The following TLN2 variants were observed in gnomAD, a reference collection of about 807,000 sequenced individuals.
The protein encoded by TLN2 is talin 2.
Under a neutral mutation model 294.7 loss-of-function variants are expected in TLN2, and 118 were observed. That is an observed-to-expected ratio of 0.40 (90% confidence interval 0.34 to 0.47). The LOEUF (loss-of-function observed/expected upper bound fraction) is 0.47. Ranked by LOEUF, TLN2 falls within the 20% of genes least tolerant of loss-of-function variation. TLN2 has a pLI of 0.84. For synonymous variants in TLN2, 1,431 were observed against 1,304.5 expected (o/e 1.10, Z -2.09); for missense variants, 3,083 against 3,282.2 (o/e 0.94, Z 1.48).
intron 54 of TLN2, chr15:62,830,554 G>T (rs772624137): frequency 6.8e-6 from 1 of 148,080 alleles, no homozygotes; most frequent in Non-Finnish European, 1.5e-5. Flanking sequence ...ATGCTAATGG[G>T]AGCTGGAACT....
chr15:62,561,896 C>T (rs936587259), intron 1 of TLN2, among the ~76,000 whole-genome samples: 4 of 152,234 alleles, frequency 2.6e-5, no homozygotes, highest in African/African-American at 9.6e-5. Flanking sequence ...GCTCTCCTCA[C>T]GAAAGCTCCC....
chr15:62,812,001 G>GCTGTC (rs2066718681), intron 52 of TLN2, among the ~76,000 whole-genome samples: 1 of 133,426 alleles, frequency 7.5e-6, no homozygotes, highest in Non-Finnish European at 1.6e-5. Context: ...GACAAAGCAA[G>GCTGTC]ACTCCATCTC....
At chr15:62,672,228 T>G (rs2055518867) in intron 9 of TLN2, among the ~76,000 whole-genome samples, 1 of 152,228 alleles carries the variant, frequency 6.6e-6, no homozygotes, top group South Asian at 2.1e-4. Context: ...TCATCAACAT[T>G]TAGAAACATC....
chr15:62,403,572 G>T (rs148047645), intron 1 of TLN2, among the ~76,000 whole-genome samples: 166 of 152,240 alleles, frequency 1.1e-3, no homozygotes, highest in Non-Finnish European at 1.8e-3. Context: ...TACCCATGTG[G>T]TACAATCCAG....
chr15:62,575,183 T>C (rs1296613473), intron 1 of TLN2, among the ~76,000 whole-genome samples: 1 of 152,074 alleles, frequency 6.6e-6, no homozygotes, highest in Non-Finnish European at 1.5e-5. Context: ...AATGGTGGCA[T>C]GTGCCAGTAG....
chr15:62,433,070 G>C (rs1366459928), intron 1 of TLN2, among the ~76,000 whole-genome samples: 1 of 152,178 alleles, frequency 6.6e-6, no homozygotes, highest in African/African-American at 2.4e-5. Flanking sequence ...GGCAGAGGGT[G>C]TGAGATGTGT....
chr15:62,685,250 T>G (rs1458424669), intron 11 of TLN2, among the ~76,000 whole-genome samples: 14 of 152,152 alleles, frequency 9.2e-5, no homozygotes, highest in Admixed American at 9.2e-4. Context: ...TAAAACCAAT[T>G]GTTTTTCTAC....
chr15:62,731,371 G>A (rs1027145651), intron 28 of TLN2, among the ~76,000 whole-genome samples: 1 of 145,928 alleles, frequency 6.9e-6, no homozygotes, highest in Admixed American at 6.9e-5. Flanking sequence ...GAACATTGCT[G>A]TTTTAAATTG....
intron 28 of TLN2, among the ~76,000 whole-genome samples, chr15:62,728,437 A>G (rs2060550269): frequency 6.6e-6 from 1 of 152,222 alleles, no homozygotes; most frequent in African/African-American, 2.4e-5. Context: ...TTGTTTAGTG[A>G]ACATAGTAAG....
chr15:62,643,178 T>C (rs753311912), intron 3 of TLN2, among the ~76,000 whole-genome samples: 3 of 152,200 alleles, frequency 2.0e-5, no homozygotes, highest in African/African-American at 4.8e-5. Flanking sequence ...AGTGATCATC[T>C]TGGGTGAAAA....
intron 1 of TLN2, among the ~76,000 whole-genome samples, chr15:62,439,990 A>T (rs2035472139): frequency 6.6e-6 from 1 of 152,144 alleles, no homozygotes; most frequent in Admixed American, 6.5e-5. Flanking sequence ...CAGGACTCCC[A>T]GGGCAGTGAC....
intron 14 of TLN2, among the ~76,000 whole-genome samples, chr15:62,696,103 C>A (rs1307809234): frequency 6.6e-6 from 1 of 152,352 alleles, no homozygotes; most frequent in East Asian, 1.9e-4. Context: ...CCAGACCAAC[C>A]TTCCCTGGTG....
At chr15:62,483,887 A>G (rs1347562357) in intron 1 of TLN2, among the ~76,000 whole-genome samples, 1 of 152,236 alleles carries the variant, frequency 6.6e-6, no homozygotes, top group Admixed American at 6.5e-5. Context: ...CCCATGGATT[A>G]CATTTGGCAG....
intron 32 of TLN2, among the ~76,000 whole-genome samples, chr15:62,746,944 G>A (rs775867762): frequency 3.3e-5 from 5 of 152,156 alleles, no homozygotes; most frequent in Non-Finnish European, 7.3e-5. Context: ...TTAAGACTTA[G>A]TGTAAAGCTA....
intron 3 of TLN2, among the ~76,000 whole-genome samples, chr15:62,635,828 A>G (rs1298455727): frequency 6.6e-6 from 1 of 152,194 alleles, no homozygotes; most frequent in African/African-American, 2.4e-5. Context: ...CCACATTATC[A>G]ATAAAAAACC....
At chr15:62,410,147 C>T (rs950570914) in intron 1 of TLN2, among the ~76,000 whole-genome samples, 17 of 151,820 alleles carry the variant, frequency 1.1e-4, no homozygotes, top group East Asian at 3.9e-4. Context: ...GAGGCTGAGG[C>T]GGGAGAATTG....
At chr15:62,659,439 C>T (rs779214232) in intron 9 of TLN2, among the ~76,000 whole-genome samples, 6 of 152,142 alleles carry the variant, frequency 3.9e-5, no homozygotes, top group Admixed American at 2.6e-4. Context: ...TATGATGGGT[C>T]GTACCAACCA....
At chr15:62,746,041 A>G (rs2061591485) in intron 32 of TLN2, among the ~76,000 whole-genome samples, 1 of 152,220 alleles carries the variant, frequency 6.6e-6, no homozygotes, top group Non-Finnish European at 1.5e-5. Flanking sequence ...ACATCTACAG[A>G]AAAGTTGAAG....
chr15:62,837,295 T>G (rs898376200), intron 57 of TLN2, among the ~76,000 whole-genome samples: 2 of 152,208 alleles, frequency 1.3e-5, no homozygotes, highest in East Asian at 1.9e-4. Flanking sequence ...TTTGTGAATA[T>G]GTGATTTCTG....
Sources: allele counts gnomAD v4.1 joint callset (sites outside exome capture counted in the v4.1 genomes callset), GRCh38; gene constraint gnomAD v4.1.1; transcripts MANE v1.5; gene names NCBI Gene and HGNC (gene_info 2026-07-23, HGNC 2026-07-21).